CCSER1: variants seen among roughly 807,000 people sequenced by gnomAD.
CCSER1 encodes the protein coiled-coil serine rich protein 1, also known as serine-rich coiled-coil domain-containing protein 1.
Under a neutral mutation model 82.0 loss-of-function variants are expected in CCSER1, and 41 were observed. That is an observed-to-expected ratio of 0.50 (90% CI 0.39 to 0.65). The LOEUF (loss-of-function observed/expected upper bound fraction) is 0.65, where lower values mean the gene tolerates loss of function less well. Among genes scored for constraint, CCSER1 ranks in the 30% least tolerant of loss-of-function variants. The pLI, the probability that CCSER1 is intolerant of heterozygous loss-of-function variation, is 0.00. For missense variants in CCSER1, 1,119 were observed against 1,064.2 expected (o/e 1.05, Z -0.72); for synonymous variants, 414 against 383.9 (o/e 1.08, Z -0.92).
At chr4:91,133,709 C>T (rs901743240) in intron 10 of CCSER1, among the ~76,000 whole-genome samples, 1 of 152,110 alleles carries the variant, frequency 6.6e-6, no homozygotes, top group Non-Finnish European at 1.5e-5. Flanking sequence ...ATTTTAAAGA[C>T]CATTATTTAC....
intron 10 of CCSER1, among the ~76,000 whole-genome samples, chr4:91,482,160 T>C (rs574146228): frequency 9.1e-4 from 136 of 149,496 alleles, no homozygotes; most frequent in African/African-American, 3.2e-3. Flanking sequence ...CCCAGCACTT[T>C]GGGAGGCTGA....
intron 10 of CCSER1, among the ~76,000 whole-genome samples, chr4:91,470,511 C>T (rs557369856): frequency 2.6e-5 from 4 of 151,958 alleles, no homozygotes; most frequent in South Asian, 2.1e-4. Flanking sequence ...GGGGATGACA[C>T]GTATACTTTG....
At chr4:91,341,288 CT>C (rs1747702646) in intron 10 of CCSER1, among the ~76,000 whole-genome samples, 2 of 152,078 alleles carry the variant, frequency 1.3e-5, no homozygotes, top group Non-Finnish European at 2.9e-5. Flanking sequence ...TAAAAATGCA[CT>C]GATTAATTCT....
intron 7 of CCSER1, among the ~76,000 whole-genome samples, chr4:90,742,594 G>T (rs1307964453): frequency 6.6e-6 from 1 of 152,096 alleles, no homozygotes; most frequent in African/African-American, 2.4e-5. Context: ...CTGACACCTT[G>T]ATTTTGGACT....
chr4:90,179,736 GT>G (rs1208135325), intron 1 of CCSER1, among the ~76,000 whole-genome samples: 2 of 152,046 alleles, frequency 1.3e-5, no homozygotes, highest in Non-Finnish European at 2.9e-5. Flanking sequence ...AACTTAACTT[GT>G]TTTTACACAA....
At chr4:91,237,051 T>TTATC (rs1205989094) in intron 10 of CCSER1, among the ~76,000 whole-genome samples, 1 of 152,188 alleles carries the variant, frequency 6.6e-6, no homozygotes, top group Non-Finnish European at 1.5e-5. Context: ...CTTTGTAAAG[T>TTATC]TATCACTGAA....
chr4:90,702,642 A>G (rs1722596002), intron 6 of CCSER1, among the ~76,000 whole-genome samples: 2 of 152,096 alleles, frequency 1.3e-5, no homozygotes, highest in Admixed American at 6.6e-5. Context: ...TATTGACTCA[A>G]TTTCAGAGCC....
chr4:90,461,116 A>ACT (rs1762859169), intron 4 of CCSER1, among the ~76,000 whole-genome samples: 2 of 86,838 alleles, frequency 2.3e-5, no homozygotes, highest in Admixed American at 1.6e-4. Context: ...CCCAGGCTGG[A>ACT]GTGCAGTGGC....
intron 3 of CCSER1, among the ~76,000 whole-genome samples, chr4:90,379,609 A>G (rs1437695628): frequency 6.6e-6 from 1 of 152,126 alleles, no homozygotes; most frequent in Non-Finnish European, 1.5e-5. Context: ...ATCCCAGTAG[A>G]GTGAGGCAGG....
At chr4:91,117,917 T>A (rs1000913035) in intron 10 of CCSER1, among the ~76,000 whole-genome samples, 3 of 152,216 alleles carry the variant, frequency 2.0e-5, no homozygotes, top group Non-Finnish European at 4.4e-5. Flanking sequence ...AAATTCACTG[T>A]CTTCTTTTCC....
At chr4:91,007,363 G>T (rs1026853195) in intron 9 of CCSER1, among the ~76,000 whole-genome samples, 1 of 152,166 alleles carries the variant, frequency 6.6e-6, no homozygotes, top group Admixed American at 6.5e-5. Flanking sequence ...GGAAGAATTG[G>T]TATTAGTTCT....
intron 7 of CCSER1, among the ~76,000 whole-genome samples, chr4:90,776,487 T>G (rs1162694299): frequency 7.2e-5 from 11 of 152,220 alleles, no homozygotes; most frequent in Admixed American, 7.2e-4. Flanking sequence ...CTCCAATTAG[T>G]AGACTTAATT....
At chr4:90,709,417 C>A (rs1367461868) in intron 6 of CCSER1, among the ~76,000 whole-genome samples, 1 of 152,096 alleles carries the variant, frequency 6.6e-6, no homozygotes, top group East Asian at 1.9e-4. Context: ...AGCTATTCTT[C>A]CTGATACTCT....
At chr4:91,008,654 T>C (rs1738728736) in intron 9 of CCSER1, among the ~76,000 whole-genome samples, 1 of 152,192 alleles carries the variant, frequency 6.6e-6, no homozygotes, top group Non-Finnish European at 1.5e-5. Context: ...TTTAATCCAT[T>C]CTGCTTTTCT....
chr4:91,228,495 A>C (rs918973948), intron 10 of CCSER1, among the ~76,000 whole-genome samples: 3 of 151,974 alleles, frequency 2.0e-5, no homozygotes, highest in Non-Finnish European at 4.4e-5. Flanking sequence ...AAACAAAAAA[A>C]TTTTAAAGAA....
intron 10 of CCSER1, among the ~76,000 whole-genome samples, chr4:91,365,388 A>G (rs942090979): frequency 6.6e-6 from 1 of 152,194 alleles, no homozygotes; most frequent in African/African-American, 2.4e-5. Context: ...TGGAATGCCA[A>G]CTTGAAATAT....
intron 8 of CCSER1, among the ~76,000 whole-genome samples, chr4:90,842,091 T>G (rs1258351125): frequency 1.3e-5 from 2 of 152,200 alleles, no homozygotes; most frequent in African/African-American, 4.8e-5. Context: ...TGTTAATTAC[T>G]CCACCTCATT....
chr4:91,416,227 C>G (rs751576685), intron 10 of CCSER1, among the ~76,000 whole-genome samples: 44 of 152,078 alleles, frequency 2.9e-4, no homozygotes, highest in Non-Finnish European at 5.4e-4. Flanking sequence ...GAAAAACATT[C>G]CATGCTCATG....
At chr4:91,459,771 T>A (rs555716292) in intron 10 of CCSER1, among the ~76,000 whole-genome samples, 3 of 152,202 alleles carry the variant, frequency 2.0e-5, no homozygotes, top group Admixed American at 6.5e-5. Context: ...CTTCAAGGAC[T>A]ACTCTTTCCT....
Sources: allele counts gnomAD v4.1 joint callset (sites outside exome capture counted in the v4.1 genomes callset), GRCh38; gene constraint gnomAD v4.1.1; transcripts MANE v1.5; gene names NCBI Gene and HGNC (gene_info 2026-07-23, HGNC 2026-07-21).